PTGFRN: variants seen among roughly 807,000 people sequenced by gnomAD.
PTGFRN encodes the protein prostaglandin F2 receptor inhibitor.
PTGFRN carries 35 observed loss-of-function variants against 83.2 expected under a neutral mutation model. That is an observed-to-expected ratio of 0.42 (90% CI 0.32 to 0.56). The LOEUF is 0.56. Among genes scored for constraint, PTGFRN ranks in the 20% least tolerant of loss-of-function variants. PTGFRN has a pLI of 0.11. For synonymous variants in PTGFRN, 519 were observed against 498.6 expected, an observed-to-expected ratio of 1.04 and a Z score of -0.55; for missense variants, 1,051 against 1,179.5, an observed-to-expected ratio of 0.89 and a Z score of 1.60.
At chr1:116,949,054 A>G in intron 3 of PTGFRN, 138 bp from the exon 4 acceptor site, 2 of 1,027,462 alleles carry the variant, frequency 1.9e-6, no homozygotes. Context: ...ATATTTCTCA[A>G]GCACTTACAA....
In PTGFRN at chr1:116,941,964, A is replaced by G; in HGVS notation, c.299A>G (p.Asp100Gly). ...GEILLRRTAN[D>G]AVELHIKNVQ... ...ATCCTGTTAAGGCGGACTGCCAACG[A>G]CGCCGTGGAGCTCCACATAAAGAAC... Residue 100 changes from aspartate to glycine, a missense_variant, in exon 2 of 9, where the codon GAC becomes GGC. By Grantham distance (94) the Asp-to-Gly change is moderately conservative. Around this residue, in one of 3 missense-constraint regions of PTGFRN, gnomAD observed 127 missense variants for 168.4 expected, o/e 0.75. Coordinates refer to ENST00000393203, the MANE Select transcript of PTGFRN (RefSeq NM_020440.4). The surrounding 1 kb of genome is among the most constrained non-coding windows in gnomAD (Gnocchi z 5.0). 3.7e-6 allele frequency: 6 copies of G among 1,614,164 alleles called. No individual in the cohort carries two copies. Among genetic ancestry groups the G allele is most frequent in the Non-Finnish European group, 5.1e-6 (6 of 1,180,038 alleles).
At position 116,942,024 on chromosome 1, in the gene PTGFRN, C is replaced by G. The variant is rs890473558; in HGVS notation, c.359C>G (p.Ser120Ter). 1 of 1,614,090 alleles carries G rather than the reference C, an allele frequency of 6.2e-7. No homozygotes were observed. The highest frequency in any genetic ancestry group is 8.5e-7 in the Non-Finnish European group (1 of 1,180,044). Residue 120 changes from serine (S) to a stop codon, truncating the protein, a stop_gained, in exon 2 of 9, where the codon TCA becomes TGA. Transcript: ENST00000393203. LOFTEE classifies it high-confidence loss of function. ...QPSDQGHYKCSTPSTDATVQG... is the reference protein window; with the variant it reads ...QPSDQGHYKC ...TCAGACCAAGGCCACTACAAATGTT[C>G]AACCCCCAGCACAGATGCCACTGTC...
rs997930508 is a variant in PTGFRN at position 116,983,130 on chromosome 1, G to T, written c.2168-1550G>T. On this transcript the variant is annotated intron_variant, in intron 7 of 8. Coordinates refer to ENST00000393203, the MANE Select transcript of PTGFRN (RefSeq NM_020440.4). ...ATAAATGTGGTAAATTTAACCCTGG[G>T]TTTTGTCATTTTCATTTTGCAGATG... 2.6e-5 allele frequency among the ~76,000 whole-genome samples: 4 copies of T among 152,322 alleles called. No homozygotes were observed. The East Asian group carries it at 7.7e-4, about 29-fold the overall frequency.
intron 4 of PTGFRN, among the ~76,000 whole-genome samples, chr1:116,951,783 C>CA (rs1373296883): frequency 2.0e-5 from 3 of 152,272 alleles, no homozygotes; most frequent in Admixed American, 1.3e-4. Context: ...AGACCCTTCT[C>CA]AAAGACTTCC....
In PTGFRN at chr1:116,941,550, A is replaced by T. The variant is rs1202847086; in HGVS notation, c.50-165A>T. 6.6e-6 allele frequency among the ~76,000 whole-genome samples: 1 copy of T among 152,164 alleles called. No individual in the cohort carries two copies. The highest frequency in any genetic ancestry group is 2.4e-5 in the African/African-American group (1 of 41,436). On this transcript the variant is annotated intron_variant, in intron 1 of 8. Transcript: ENST00000393203. This position sits in a 1 kb window ranked among gnomAD's most constrained non-coding sequence, Gnocchi z 5.0. The stretch of plus-strand genomic sequence containing the variant: ...TTTGAGGTTGCATTCCTGGCTCATT[A>T]TTTAAGGGTTAGGCTTAACCTTCTG...
chr1:116,966,985 A>G lies in PTGFRN; in HGVS notation c.1714A>G (p.Lys572Glu). 1.2e-6 allele frequency: 2 copies of G among 1,614,038 alleles called. No individual in the cohort carries two copies. Among genetic ancestry groups the G allele is most frequent in the African/African-American group, 1.3e-5 (1 of 75,052 alleles). Residue 572 changes from lysine to glutamate, a missense_variant, in exon 6 of 9, where the codon AAA (lysine) becomes GAA (glutamate). Coordinates refer to ENST00000393203, the MANE Select transcript of PTGFRN (RefSeq NM_020440.4). ...CGGAAATACATTTGAGATGACTTGC[A>G]AAGTATCTTCCAAGAATATTAAGTC... is the stretch of plus-strand genomic sequence containing the variant. ...AAGNTFEMTC[K>E]VSSKNIKSPR...
At chr1:116,911,832 C>T (rs1649280205) in intron 1 of PTGFRN, among the ~76,000 whole-genome samples, 1 of 152,294 alleles carries the variant, frequency 6.6e-6, no homozygotes, top group South Asian at 2.1e-4. Context: ...CTTTACTTTT[C>T]ACTCTGGGAC....
intron 7 of PTGFRN, among the ~76,000 whole-genome samples, chr1:116,977,706 G>C (rs1295709747): frequency 6.6e-6 from 1 of 152,064 alleles, no homozygotes; most frequent in African/African-American, 2.4e-5. Flanking sequence ...AGAATCTCTG[G>C]GACACATTCA....
At chr1:116,979,402 C>T (rs1003558173) in intron 7 of PTGFRN, among the ~76,000 whole-genome samples, 5 of 152,146 alleles carry the variant, frequency 3.3e-5, no homozygotes, top group African/African-American at 7.2e-5. Flanking sequence ...AAAAAGAGCC[C>T]GCATTGCCAA....
In PTGFRN at chr1:116,961,082, A is replaced by C. The variant is rs948273700; in HGVS notation, c.1214-161A>C. Among the ~76,000 whole-genome samples, 1 of 152,226 alleles carries C rather than the reference A, an allele frequency of 6.6e-6. No individual in the cohort carries two copies. The highest frequency in any genetic ancestry group is 6.5e-5 in the Admixed American group (1 of 15,276). On this transcript the variant is annotated intron_variant, in intron 4 of 8. Transcript: ENST00000393203. The surrounding 1 kb of genome is among the most constrained non-coding windows in gnomAD (Gnocchi z 5.4). ...ACAAGTTTTGCAAAAACACTGTTCT[A>C]GGATCCTATCCAATGCAACGACTGA...
At chr1:116,981,852 T>G (rs980455199) in intron 7 of PTGFRN, among the ~76,000 whole-genome samples, 1 of 152,208 alleles carries the variant, frequency 6.6e-6, no homozygotes, top group Non-Finnish European at 1.5e-5. Context: ...TACTGACCCC[T>G]GGACTAGTTG....
In PTGFRN at chr1:116,949,525, T is replaced by C. The variant is rs764467502; in HGVS notation, c.1166T>C (p.Val389Ala). 7 of 1,614,086 alleles carry C rather than the reference T, an allele frequency of 4.3e-6. No individual in the cohort carries two copies. In the Admixed American group the frequency reaches 1.0e-4, roughly 23 times the overall value. ...GGACACAACAGGAGCTGGCACAAAG[T>C]GGCAGAGGCCGTGTCTTCCCCAGCT... ...APGHNRSWHK[V>A]AEAVSSPAGV... is the part of the protein sequence containing the mutation. Residue 389 changes from valine (V) to alanine (A), a missense_variant, in exon 4 of 9, where the codon GTG becomes GCG. Physicochemically the swap from Val to Ala is moderately conservative, Grantham distance 64 (BLOSUM62 0). This residue lies in a region of PTGFRN where 719 missense variants were observed against 836.6 expected (regional missense o/e 0.86). Coordinates refer to ENST00000393203, the MANE Select transcript of PTGFRN (RefSeq NM_020440.4).
At chr1:116,928,236 A>G (rs1570648536) in intron 1 of PTGFRN, among the ~76,000 whole-genome samples, 1 of 152,202 alleles carries the variant, frequency 6.6e-6, no homozygotes. Context: ...ATCACTTAGT[A>G]TTCTTTCACC....
chr1:116,951,542 G>A (rs1475925557), intron 4 of PTGFRN, among the ~76,000 whole-genome samples: 1 of 152,252 alleles, frequency 6.6e-6, no homozygotes, highest in African/African-American at 2.4e-5. Flanking sequence ...GTTAAAATAT[G>A]TGCATAGGAA....
At chr1:116,917,535 AG>A (rs894857568) in intron 1 of PTGFRN, among the ~76,000 whole-genome samples, 1 of 152,206 alleles carries the variant, frequency 6.6e-6, no homozygotes, top group Non-Finnish European at 1.5e-5. Context: ...TATGGCATGC[AG>A]TCTCTGCAGT....
chr1:116,959,659 A>G (rs1650592054), intron 4 of PTGFRN, among the ~76,000 whole-genome samples: 1 of 152,136 alleles, frequency 6.6e-6, no homozygotes, highest in Admixed American at 6.5e-5. Context: ...CCAGAAGGCA[A>G]AGTGCTATGG....
chr1:116,925,407 A>G (rs1035157051), intron 1 of PTGFRN, among the ~76,000 whole-genome samples: 2 of 151,668 alleles, frequency 1.3e-5, no homozygotes, highest in Non-Finnish European at 2.9e-5. Flanking sequence ...AGCCTGGGCG[A>G]CAGAGAGAGA....
intron 4 of PTGFRN, among the ~76,000 whole-genome samples, chr1:116,951,379 G>A (rs879518304): frequency 2.0e-5 from 3 of 152,234 alleles, no homozygotes; most frequent in Non-Finnish European, 4.4e-5. Context: ...TTCCTTTGGA[G>A]TGCTACTACC....
chr1:116,942,022 T>C lies in PTGFRN; in HGVS notation c.357T>C (p.Cys119=), dbSNP rs1364201307. 1 of 1,614,170 alleles carries C rather than the reference T, an allele frequency of 6.2e-7. No individual in the cohort carries two copies. The highest frequency in any genetic ancestry group is 8.5e-7 in the Non-Finnish European group (1 of 1,180,028). ...VQPSDQGHYK[C]STPSTDATVQ... The stretch of plus-strand genomic sequence containing the variant: ...CTTCAGACCAAGGCCACTACAAATG[T>C]TCAACCCCCAGCACAGATGCCACTG... The change falls in exon 2 of 9, where the codon TGT becomes TGC. Residue 119 remains cysteine, a synonymous_variant. Transcript: ENST00000393203.
Sources: allele counts gnomAD v4.1 joint callset (sites outside exome capture counted in the v4.1 genomes callset), GRCh38; gene constraint gnomAD v4.1.1; regional missense constraint gnomAD v4.1.1; non-coding constraint Gnocchi (gnomAD v3.1); transcripts MANE v1.5; gene names NCBI Gene and HGNC (gene_info 2026-07-23, HGNC 2026-07-21).